Variants in NDRG2 observed in about 807,000 individuals in gnomAD.
NDRG2 encodes NDRG family member 2.
In NDRG2, 34 loss-of-function variants were observed where a neutral mutation model predicts 58.2. The observed-to-expected ratio is 0.58, with a 90% CI of 0.44 to 0.78. The LOEUF (loss-of-function observed/expected upper bound fraction) is 0.78. NDRG2 is among the 30% of genes least tolerant of loss of function. The pLI is 0.00. For missense variants in NDRG2, 434 were observed against 471.2 expected (o/e 0.92, Z 0.73); for synonymous variants, 187 against 175.9 (o/e 1.06, Z -0.50).
chr14:21,024,373 G>T lies in NDRG2; in HGVS notation c.-350C>A. ...AGAGGGTGGCCCTGTCAGAACCTCC[G>T]GATTCGAATCCCGGCTCTGCCACTC... On this transcript the variant is annotated 5_prime_UTR_variant, in exon 1 of 16. Coordinates refer to ENST00000556147, the MANE Select transcript of NDRG2 (RefSeq NM_001320329.2). The T allele has an allele frequency of 1.1e-6, 1 of 940,764 alleles. No individual in the cohort carries two copies. Among genetic ancestry groups the T allele is most frequent in the Non-Finnish European group, 1.3e-6 (1 of 789,258 alleles). 58.3% of individuals were successfully genotyped at this position (940,764 alleles called of 1,614,324 possible). A position where few individuals can be genotyped will look rare whatever the true frequency, so the allele number is the denominator to read the frequency against.
chr14:21,054,501 T>C (rs1449514647), intron 1 of NDRG2, among the ~76,000 whole-genome samples: 1 of 152,188 alleles, frequency 6.6e-6, no homozygotes, highest in African/African-American at 2.4e-5. Context: ...ACAAGGTGAC[T>C]CTTAGCCCAC....
intron 1 of NDRG2, among the ~76,000 whole-genome samples, chr14:21,053,233 A>G (rs774600755): frequency 2.0e-5 from 3 of 152,306 alleles, no homozygotes; most frequent in South Asian, 2.1e-4. Context: ...CTGTAATATC[A>G]GTACTTTGGG....
intron 1 of NDRG2, among the ~76,000 whole-genome samples, chr14:21,046,661 G>A (rs180914187): frequency 1.6e-4 from 24 of 152,166 alleles, no homozygotes; most frequent in African/African-American, 4.8e-4. Flanking sequence ...GTGTACAGTC[G>A]AAAATCCAAG....
intron 1 of NDRG2, among the ~76,000 whole-genome samples, chr14:21,063,200 T>C (rs1258006744): frequency 6.6e-6 from 1 of 151,684 alleles, no homozygotes; most frequent in African/African-American, 2.4e-5. Context: ...TTAGAGTGCC[T>C]GCCTAAAAGT....
At chr14:21,051,473 G>A (rs751384404) in intron 1 of NDRG2, among the ~76,000 whole-genome samples, 26 of 152,154 alleles carry the variant, frequency 1.7e-4, no homozygotes, top group Admixed American at 8.5e-4. Context: ...GGGAACTGGC[G>A]TATCCAGGGA....
At chr14:21,051,046 C>T (rs948379522) in intron 1 of NDRG2, among the ~76,000 whole-genome samples, 1 of 152,192 alleles carries the variant, frequency 6.6e-6, no homozygotes, top group Non-Finnish European at 1.5e-5. Flanking sequence ...AATTACTCCC[C>T]ATCCCCTAAA....
At position 21,017,583 on chromosome 14, in the gene NDRG2, CA is replaced by C; in HGVS notation, c.*12del. On this transcript the variant is annotated 3_prime_UTR_variant, in exon 16 of 16. Transcript: ENST00000556147. ...GTGAGGGCTGGGTCCCACTCTAGGGCAACAAGGGCCATTCAACAGGAGACCT... is the reference window on the plus strand; with the variant it reads ...GTGAGGGCTGGGTCCCACTCTAGGGCACAAGGGCCATTCAACAGGAGACCT... 1.2e-6 allele frequency: 2 copies of C among 1,610,938 alleles called. No homozygotes were observed. Among genetic ancestry groups the C allele is most frequent in the East Asian group, 2.2e-5 (1 of 44,858 alleles).
Position 21,017,793 on chromosome 14 carries a change from A to C in NDRG2, c.950-31T>G, listed in dbSNP as rs200874762. The C allele has an allele frequency of 1.9e-6, 3 of 1,603,672 alleles. No individual in the cohort carries two copies. In the South Asian group the frequency reaches 3.3e-5, roughly 18 times the overall value. On this transcript the variant is annotated intron_variant, in intron 15 of 15. Coordinates refer to ENST00000556147, the MANE Select transcript of NDRG2 (RefSeq NM_001320329.2). The stretch of plus-strand genomic sequence containing the variant: ...GAGACAGCACGATGCACAAGCAGTC[A>C]GAGAGGAAGTGGGGAAGGGGGGCTG...
At chr14:21,054,613 C>T in intron 1 of NDRG2, among the ~76,000 whole-genome samples, 1 of 152,184 alleles carries the variant, frequency 6.6e-6, no homozygotes, top group Admixed American at 6.5e-5. Flanking sequence ...AATGAATTAT[C>T]AATAAACAGG....
At position 21,019,941 on chromosome 14, in the gene NDRG2, G is replaced by T; in HGVS notation, c.591C>A (p.Ile197=). 2 of 1,614,018 alleles carry T rather than the reference G, an allele frequency of 1.2e-6. No individual in the cohort carries two copies. Among genetic ancestry groups the T allele is most frequent in the Non-Finnish European group, 1.7e-6 (2 of 1,180,026 alleles). Residue 197 remains isoleucine (I), a synonymous_variant, in exon 9 of 16, where the codon ATC becomes ATA. Coordinates refer to ENST00000556147, the MANE Select transcript of NDRG2 (RefSeq NM_001320329.2). ...TGLTSSIPEM[I]LGHLFSQEEL... Reference sequence around the variant, plus strand: ...TTACCTGGCTGAAAAGATGTCCAAGGATCATCTCCGGAATGGAAGAGGTGA... The same window carrying T: ...TTACCTGGCTGAAAAGATGTCCAAGTATCATCTCCGGAATGGAAGAGGTGA...
chr14:21,023,406 G>A (rs1411849938), intron 1 of NDRG2, 85 bp from the exon 2 acceptor site: 6 of 1,253,124 alleles, frequency 4.8e-6, no homozygotes, highest in Non-Finnish European at 6.8e-6. Context: ...CTCAGCACAG[G>A]AAGATGCAGG....
rs1226306674 is a variant in NDRG2, at chr14:21,023,575, A to G, written c.-6-254T>C. On this transcript the variant is annotated intron_variant, in intron 1 of 15. Transcript: ENST00000556147. ...CATCCCCACTGCCACCCTCAACACCACACCTCCAGACCCCTCCCTCCTCTG... is the reference window on the plus strand; with the variant it reads ...CATCCCCACTGCCACCCTCAACACCGCACCTCCAGACCCCTCCCTCCTCTG... 55 of 418,428 alleles carry G rather than the reference A, an allele frequency of 1.3e-4. No homozygotes were observed. In the Admixed American group the frequency reaches 2.2e-3, roughly 17 times the overall value. 25.9% of individuals were successfully genotyped at this position (418,428 alleles called of 1,614,324 possible).
upstream of NDRG2, chr14:21,030,681 T>C: frequency 6.2e-7 from 1 of 1,614,172 alleles, no homozygotes; most frequent in Middle Eastern, 1.6e-4. Context: ...CTCCAAGCTG[T>C]GCAAAGACTG....
chr14:21,053,897 G>A (rs1365635233), intron 1 of NDRG2, among the ~76,000 whole-genome samples: 1 of 152,174 alleles, frequency 6.6e-6, no homozygotes, highest in Non-Finnish European at 1.5e-5. Context: ...CTATGAAACT[G>A]GGTCCATGTA....
intron 1 of NDRG2, chr14:21,031,241 C>T: frequency 6.5e-7 from 1 of 1,542,602 alleles, no homozygotes; most frequent in Non-Finnish European, 8.8e-7. Flanking sequence ...CCTAACCCTG[C>T]CAACTGTGTG....
At position 21,019,980 on chromosome 14, in the gene NDRG2, T is replaced by C. The variant is rs372749450; in HGVS notation, c.556-4A>G. ...TGGAAGAGGTGAGGCCTGTTAGCTA[T>C]GAGGAGAAGGCAGGTGAGAAAGTTC... On this transcript the variant is annotated splice_region_variant and splice_polypyrimidine_tract_variant and intron_variant, in intron 8 of 15. Transcript: ENST00000556147. The C allele has an allele frequency of 1.1e-5, 18 of 1,613,268 alleles. No individual in the cohort carries two copies. Among genetic ancestry groups the C allele is most frequent in the Non-Finnish European group, 1.4e-5 (17 of 1,179,852 alleles).
intron 2 of NDRG2, 97 bp from the exon 3 acceptor site, chr14:21,023,002 C>G (rs1881529470): frequency 1.5e-6 from 2 of 1,357,176 alleles, no homozygotes; most frequent in African/African-American, 2.9e-5. Flanking sequence ...AAAGACAGAC[C>G]AACAAATGAC....
At position 21,031,348 on chromosome 14, in the gene NDRG2, G is replaced by A. The variant is rs1258082496; in HGVS notation, c.25-8027C>T. Reference sequence around the variant, plus strand: ...AGAGAAGGGAAGTGACTTGCCCAAGGTCCATGGCTATTTTAATAGTAGATT... The same window carrying A: ...AGAGAAGGGAAGTGACTTGCCCAAGATCCATGGCTATTTTAATAGTAGATT... On this transcript the variant is annotated intron_variant, in intron 1 of 14. Coordinates refer to the NDRG2 transcript ENST00000403829. 3 of 672,726 alleles carry A rather than the reference G, an allele frequency of 4.5e-6. No individual in the cohort carries two copies. In the African/African-American group the frequency reaches 5.5e-5, roughly 12 times the overall value. The allele number at this position is 672,726 out of a possible 1,614,324, so 41.7% of individuals were successfully genotyped here.
intron 1 of NDRG2, among the ~76,000 whole-genome samples, chr14:21,060,070 T>C (rs1310784074): frequency 2.0e-5 from 3 of 152,162 alleles, no homozygotes; most frequent in African/African-American, 7.2e-5. Context: ...CCCCCTCTTC[T>C]TCCCCATGCT....
Sources: gnomAD v4.1 joint callset for allele counts (sites outside exome capture counted in the v4.1 genomes callset) on GRCh38, gnomAD v4.1.1 for gene constraint, MANE v1.5 for transcripts, NCBI Gene and HGNC (gene_info 2026-07-23, HGNC 2026-07-21) for gene names.